Variants in GMDS observed in about 807,000 individuals in gnomAD.
The protein encoded by GMDS is GDP-mannose 4,6-dehydratase.
A neutral mutation model predicts 49.9 loss-of-function variants in GMDS; 20 were observed. That is an observed-to-expected ratio of 0.40 (90% CI 0.28 to 0.58). GMDS has a LOEUF of 0.58. Among genes scored for constraint, GMDS ranks in the 20% least tolerant of loss-of-function variants. The pLI, the probability that GMDS is intolerant of heterozygous loss-of-function variation, is 0.42. For synonymous variants in GMDS, 177 were observed against 178.6 expected, an observed-to-expected ratio of 0.99 and a Z score of 0.07; for missense variants, 362 against 481.4, an observed-to-expected ratio of 0.75 and a Z score of 2.32.
At chr6:2,013,330 A>C (rs1457832672) in intron 4 of GMDS, among the ~76,000 whole-genome samples, 1 of 152,190 alleles carries the variant, frequency 6.6e-6, no homozygotes, top group Non-Finnish European at 1.5e-5. Flanking sequence ...GATTAACATA[A>C]AACCTCACAC....
intron 1 of GMDS, among the ~76,000 whole-genome samples, chr6:2,174,403 C>CT (rs1226189347): frequency 1.3e-5 from 2 of 152,080 alleles, no homozygotes; most frequent in African/African-American, 4.8e-5. Context: ...TGAATTTCAT[C>CT]TTTTTTAAAC....
intron 9 of GMDS, among the ~76,000 whole-genome samples, chr6:1,667,124 T>C (rs1764261652): frequency 6.6e-6 from 1 of 152,072 alleles, no homozygotes; most frequent in Non-Finnish European, 1.5e-5. Flanking sequence ...TCTTTGAGAG[T>C]GGTGACGGTA....
intron 9 of GMDS, among the ~76,000 whole-genome samples, chr6:1,722,705 T>C (rs1365967205): frequency 6.6e-6 from 1 of 152,206 alleles, no homozygotes. Flanking sequence ...TAGTAATCAA[T>C]AGGTTTCAAA....
At chr6:1,848,656 A>G (rs980360709) in intron 7 of GMDS, among the ~76,000 whole-genome samples, 1 of 152,206 alleles carries the variant, frequency 6.6e-6, no homozygotes, top group African/African-American at 2.4e-5. Context: ...TGCTTGAAAG[A>G]GCTTTTGAAG....
At position 1,766,531 on chromosome 6, in the gene GMDS, C is replaced by G. The variant is rs1315309740; in HGVS notation, c.772-23945G>C. 2.6e-5 allele frequency among the ~76,000 whole-genome samples: 4 copies of G among 152,256 alleles called. No individual in the cohort carries two copies. The highest frequency in any genetic ancestry group is 4.4e-5 in the Non-Finnish European group (3 of 68,010). ...ACTTTCTAATGAACAAAGTCGCTTA[C>G]TTTGAAAAGTGATTTCTCTCTTGTG... On this transcript the variant is annotated intron_variant, in intron 7 of 10. Coordinates refer to ENST00000380815, the MANE Select transcript of GMDS (RefSeq NM_001500.4). This position sits in a 1 kb window ranked among gnomAD's most constrained non-coding sequence, Gnocchi z 4.5.
intron 4 of GMDS, among the ~76,000 whole-genome samples, chr6:2,088,971 T>C (rs971851560): frequency 2.0e-5 from 3 of 152,234 alleles, no homozygotes; most frequent in Non-Finnish European, 4.4e-5. Flanking sequence ...GTTCTCTCTT[T>C]AGTCATTAAT....
intron 1 of GMDS, among the ~76,000 whole-genome samples, chr6:2,242,467 A>T (rs1781656496): frequency 6.6e-6 from 1 of 152,222 alleles, no homozygotes; most frequent in African/African-American, 2.4e-5. Flanking sequence ...TACGTACTAG[A>T]GATACACAGC....
chr6:1,994,070 G>A (rs1235936972), intron 4 of GMDS, among the ~76,000 whole-genome samples: 2 of 152,168 alleles, frequency 1.3e-5, no homozygotes, highest in African/African-American at 4.8e-5. Context: ...GCCTGCAAAG[G>A]AGGCATTTAA....
chr6:1,931,512 T>G (rs1762283610), intron 6 of GMDS, among the ~76,000 whole-genome samples: 1 of 152,190 alleles, frequency 6.6e-6, no homozygotes, highest in African/African-American at 2.4e-5. Flanking sequence ...AATACAAAGT[T>G]TCAACTTTCC....
At chr6:1,941,456 G>A (rs1762821128) in intron 6 of GMDS, among the ~76,000 whole-genome samples, 1 of 152,200 alleles carries the variant, frequency 6.6e-6, no homozygotes, top group African/African-American at 2.4e-5. Context: ...GTATCCAGGA[G>A]GGAGTGATCA....
rs77044841 is a variant in GMDS, at chr6:2,151,901, T to G, written c.103-27170A>C. Among the ~76,000 whole-genome samples, 756 of 152,248 alleles carry G rather than the reference T, an allele frequency of 5.0e-3. 9 individuals are homozygous for G. The highest frequency in any genetic ancestry group is 0.017 in the African/African-American group (715 of 41,570). On this transcript the variant is annotated intron_variant, in intron 1 of 10. Coordinates refer to ENST00000380815, the MANE Select transcript of GMDS (RefSeq NM_001500.4). ...AATTAAAATTAGATATAACTATTAT[T>G]TTTAAATGTACCCCTTAAAATATTT...
At chr6:2,245,292 G>T (rs1244542185) in intron 1 of GMDS, 29 bp downstream of exon 1, 3 of 1,448,488 alleles carry the variant, frequency 2.1e-6, no homozygotes, top group Admixed American at 2.0e-5. Context: ...AGGCTGCCTC[G>T]GCCGGCGCGC....
chr6:1,661,616 C>T (rs1449754010), intron 9 of GMDS, among the ~76,000 whole-genome samples: 1 of 152,238 alleles, frequency 6.6e-6, no homozygotes, highest in Non-Finnish European at 1.5e-5. Context: ...TCGCCATCCC[C>T]AGCAAGTGGG....
chr6:1,758,260 C>T (rs1768026180), intron 7 of GMDS, among the ~76,000 whole-genome samples: 1 of 152,240 alleles, frequency 6.6e-6, no homozygotes, highest in South Asian at 2.1e-4. Context: ...CCTTCTTGGT[C>T]ATTATCTCCA....
chr6:2,098,940 T>C lies in GMDS; in HGVS notation c.345+16831A>G, dbSNP rs1204796773. ...ACTCTACAAATCAACAGAAATCCCT[T>C]ATTCAAGTAAAAAATTAACAAAAAA... On this transcript the variant is annotated intron_variant, in intron 4 of 10. Coordinates refer to ENST00000380815, the MANE Select transcript of GMDS (RefSeq NM_001500.4). Among the ~76,000 whole-genome samples the C allele has an allele frequency of 3.3e-5, 5 of 152,156 alleles. No homozygotes were observed. The East Asian group carries it at 7.7e-4, about 23-fold the overall frequency.
intron 4 of GMDS, among the ~76,000 whole-genome samples, chr6:2,072,997 C>T (rs1233622044): frequency 6.6e-6 from 1 of 152,142 alleles, no homozygotes; most frequent in East Asian, 1.9e-4. Context: ...TGTTTTAACC[C>T]ATCTGAGGCT....
intron 4 of GMDS, among the ~76,000 whole-genome samples, chr6:2,054,985 T>A (rs952665407): frequency 2.6e-5 from 4 of 151,818 alleles, no homozygotes; most frequent in African/African-American, 9.7e-5. Context: ...GAAAGGAATA[T>A]CATCAGAAAA....
chr6:1,693,240 T>C (rs772610936), intron 9 of GMDS, among the ~76,000 whole-genome samples: 5 of 152,234 alleles, frequency 3.3e-5, no homozygotes, highest in Non-Finnish European at 5.9e-5. Context: ...TCCTTTTGGA[T>C]GGTTGTTCCC....
chr6:1,695,473 C>A (rs948581928), intron 9 of GMDS, among the ~76,000 whole-genome samples: 1 of 152,144 alleles, frequency 6.6e-6, no homozygotes, highest in Non-Finnish European at 1.5e-5. Context: ...AACTGTGTGT[C>A]CTATTTCAGA....
Sources: allele counts gnomAD v4.1 joint callset (sites outside exome capture counted in the v4.1 genomes callset), GRCh38; gene constraint gnomAD v4.1.1; non-coding constraint Gnocchi (gnomAD v3.1); transcripts MANE v1.5; gene names NCBI Gene and HGNC (gene_info 2026-07-23, HGNC 2026-07-21).